The following TOX3 variants were observed in gnomAD, a reference collection of about 807,000 sequenced individuals.
TOX3 encodes the protein CAG trinucleotide repeat-containing gene F9 protein.
Under a neutral mutation model 64.3 loss-of-function variants are expected in TOX3, and 22 were observed. The observed-to-expected ratio is 0.34, with a 90% CI of 0.24 to 0.49. The LOEUF is 0.49. TOX3 is among the 20% of genes least tolerant of loss of function. The pLI, the probability that TOX3 is intolerant of heterozygous loss-of-function variation, is 0.99. For missense variants in TOX3, 661 were observed against 714.4 expected, an observed-to-expected ratio of 0.93 and a Z score of 0.85; for synonymous variants, 291 against 273.6, an observed-to-expected ratio of 1.06 and a Z score of -0.63.
chr16:52,514,109 T>A (rs1392073989), intron 1 of TOX3, among the ~76,000 whole-genome samples: 1 of 152,238 alleles, frequency 6.6e-6, no homozygotes, highest in African/African-American at 2.4e-5. Context: ...ACGTTTTATA[T>A]GCATTAGGCC....
intron 1 of TOX3, among the ~76,000 whole-genome samples, chr16:52,493,879 A>G (rs919984583): frequency 3.3e-5 from 5 of 152,272 alleles, no homozygotes; most frequent in African/African-American, 7.2e-5. Context: ...TTCAATGTCA[A>G]TACTTCAGAT....
chr16:52,511,144 A>G (rs182464007), intron 1 of TOX3, among the ~76,000 whole-genome samples: 87 of 152,276 alleles, frequency 5.7e-4, no homozygotes, highest in Admixed American at 5.6e-3. Context: ...ATGAATTTTA[A>G]TTAATTAGAA....
At chr16:52,531,333 C>T (rs1962847996) in intron 1 of TOX3, among the ~76,000 whole-genome samples, 1 of 152,132 alleles carries the variant, frequency 6.6e-6, no homozygotes, top group Non-Finnish European at 1.5e-5. Flanking sequence ...AATAGTGACC[C>T]TGAGCAGAAC....
chr16:52,452,977 A>T (rs1960400003), intron 3 of TOX3, among the ~76,000 whole-genome samples: 1 of 151,996 alleles, frequency 6.6e-6, no homozygotes, highest in Admixed American at 6.6e-5. Flanking sequence ...TGTGGATTTT[A>T]TGTTATCTGT....
rs1176987966 is a variant in TOX3, at chr16:52,438,275, GC to G, written c.*949del. 2 of 152,614 alleles carry G rather than the reference GC, an allele frequency of 1.3e-5. No homozygotes were observed. The highest frequency in any genetic ancestry group is 1.3e-4 in the Admixed American group (2 of 15,270). The allele number at this position is 152,614 out of a possible 1,614,324, so 9.5% of individuals were successfully genotyped here. ...AAGCCTCATTTAGGAAAACTTTACA[GC>G]ACATGATATGAAAACTTACAACTTT... is the stretch of plus-strand genomic sequence containing the variant. On this transcript the variant is annotated 3_prime_UTR_variant, in exon 7 of 7. Coordinates refer to ENST00000219746, the MANE Select transcript of TOX3 (RefSeq NM_001080430.4).
At chr16:52,456,118 C>T (rs558006996) in intron 3 of TOX3, among the ~76,000 whole-genome samples, 2 of 152,240 alleles carry the variant, frequency 1.3e-5, no homozygotes, top group Admixed American at 1.3e-4. Flanking sequence ...CATAAAGTGA[C>T]AAGGTTTATT....
At chr16:52,441,116 T>C (rs546113908) in intron 6 of TOX3, among the ~76,000 whole-genome samples, 1 of 152,136 alleles carries the variant, frequency 6.6e-6, no homozygotes, top group African/African-American at 2.4e-5. Context: ...TGAACTCACA[T>C]GTTAAGCATT....
chr16:52,462,099 C>G (rs1296516482), intron 3 of TOX3, among the ~76,000 whole-genome samples: 1 of 152,064 alleles, frequency 6.6e-6, no homozygotes, highest in Non-Finnish European at 1.5e-5. Context: ...ATAAATATCA[C>G]TCAGGTTCAG....
chr16:52,510,778 A>AAAAAAAAAAAAAAAAAAAG (rs574634087), intron 1 of TOX3, among the ~76,000 whole-genome samples: 1 of 115,142 alleles, frequency 8.7e-6, no homozygotes, highest in African/African-American at 3.5e-5. Context: ...AAAAAAAAAA[A>AAAAAAAAAAAAAAAAAAAG]AAGAAGAAGA....
At chr16:52,477,394 C>T (rs914227058) in intron 1 of TOX3, among the ~76,000 whole-genome samples, 8 of 152,128 alleles carry the variant, frequency 5.3e-5, no homozygotes, top group African/African-American at 1.9e-4. Context: ...AAAGCCCACA[C>T]CCGAACTTAT....
At chr16:52,508,228 G>A (rs1596840558) in intron 1 of TOX3, among the ~76,000 whole-genome samples, 2 of 152,224 alleles carry the variant, frequency 1.3e-5, no homozygotes, top group East Asian at 1.9e-4. Flanking sequence ...CTGGGTGTAA[G>A]TATTAAATTC....
intron 3 of TOX3, among the ~76,000 whole-genome samples, chr16:52,463,255 T>G (rs2151755190): frequency 6.6e-6 from 1 of 152,108 alleles, no homozygotes; most frequent in East Asian, 1.9e-4. Context: ...AAAAGAAAAA[T>G]CCCAGCAGAA....
At chr16:52,451,680 G>A (rs1474162541) in intron 3 of TOX3, among the ~76,000 whole-genome samples, 1 of 152,110 alleles carries the variant, frequency 6.6e-6, no homozygotes, top group Non-Finnish European at 1.5e-5. Flanking sequence ...GGAATGAATT[G>A]TAAATAACTA....
rs74914603 is a variant in TOX3 at position 52,485,349 on chromosome 16, G to A, written c.88-16775C>T. On this transcript the variant is annotated intron_variant, in intron 1 of 6. Transcript: ENST00000219746. ...TCTTTGCAGCAACATAGATAGAGCT[G>A]GAGGCCATTATCCTAAGTAAACTTA... is the stretch of plus-strand genomic sequence containing the variant. Among the ~76,000 whole-genome samples, 745 of 150,706 alleles carry A rather than the reference G, an allele frequency of 4.9e-3. 3 individuals carry two copies. Among genetic ancestry groups the A allele is most frequent in the African/African-American group, 0.017 (707 of 40,902 alleles).
intron 1 of TOX3, among the ~76,000 whole-genome samples, chr16:52,541,190 AG>A (rs145312290): frequency 6.6e-6 from 1 of 152,272 alleles, no homozygotes; most frequent in East Asian, 1.9e-4. Flanking sequence ...TGCATGGTAA[AG>A]TTTGAGAAAC....
At position 52,455,562 on chromosome 16, in the gene TOX3, C is replaced by G. The variant is rs183985167; in HGVS notation, c.409-5016G>C. 4.6e-5 allele frequency among the ~76,000 whole-genome samples: 7 copies of G among 152,136 alleles called. No homozygotes were observed. In the East Asian group the frequency reaches 9.7e-4, roughly 21 times the overall value. ...GAAAGCATCCACATAAACAAGATTCCAACTGTGATAAATATTGGGAAGAAA... is the reference window on the plus strand; with the variant it reads ...GAAAGCATCCACATAAACAAGATTCGAACTGTGATAAATATTGGGAAGAAA... On this transcript the variant is annotated intron_variant, in intron 3 of 6. Transcript: ENST00000219746.
chr16:52,473,515 C>T (rs552147747), intron 1 of TOX3, among the ~76,000 whole-genome samples: 42 of 152,312 alleles, frequency 2.8e-4, no homozygotes, highest in Non-Finnish European at 4.9e-4. Flanking sequence ...GTGCCACGCA[C>T]GGTCACATGC....
At chr16:52,544,826 G>T (rs1177380142) in intron 1 of TOX3, among the ~76,000 whole-genome samples, 1 of 152,242 alleles carries the variant, frequency 6.6e-6, no homozygotes, top group African/African-American at 2.4e-5. Flanking sequence ...TGGGATCCCA[G>T]TGAACAGAGA....
At chr16:52,528,769 C>A (rs566596889) in intron 1 of TOX3, among the ~76,000 whole-genome samples, 20 of 152,270 alleles carry the variant, frequency 1.3e-4, no homozygotes, top group Admixed American at 1.2e-3. Context: ...TGGTGAAGTA[C>A]ATTTGTATTG....
Sources: gnomAD v4.1 joint callset for allele counts (sites outside exome capture counted in the v4.1 genomes callset) on GRCh38, gnomAD v4.1.1 for gene constraint, MANE v1.5 for transcripts, NCBI Gene and HGNC (gene_info 2026-07-23, HGNC 2026-07-21) for gene names.